Variants in PCNX2 observed in about 807,000 individuals in gnomAD.
PCNX2 encodes the protein pecanex 2, also known as pecanex-like protein 2.
In PCNX2, 168 loss-of-function variants were observed where a neutral mutation model predicts 223.8. The observed-to-expected ratio is 0.75, with a 90% CI of 0.66 to 0.85. The LOEUF (loss-of-function observed/expected upper bound fraction) is 0.85. Among genes scored for constraint, PCNX2 ranks in the 40% least tolerant of loss-of-function variants. The pLI is 0.00. For missense variants in PCNX2, 2,507 were observed against 2,675.5 expected (o/e 0.94, Z 1.39); for synonymous variants, 1,006 against 1,052.6 (o/e 0.96, Z 0.86).
Position 233,218,162 on chromosome 1 carries a change from C to T in PCNX2, c.2527G>A (p.Val843Ile). ...AGGACAATGAGTAAAATCGCCAGTA[C>T]ATTCTCCTTGATGTCTTCAGTTCTG... is the stretch of plus-strand genomic sequence containing the variant. The part of the protein sequence containing the change: ...LDRTEDIKEN[V>I]LAILLIVLVS... Residue 843 changes from valine to isoleucine, a missense_variant, in exon 11 of 34, where the codon GTA (valine) becomes ATA (isoleucine). Physicochemically the swap from Val to Ile is conservative, Grantham distance 29. This residue lies in a region of PCNX2 where 104 missense variants were observed against 144.4 expected (regional missense o/e 0.72). Transcript: ENST00000258229. 1.5e-6 allele frequency: 2 copies of T among 1,299,872 alleles called. No individual in the cohort carries two copies. The highest frequency in any genetic ancestry group is 1.7e-5 in the African/African-American group (1 of 57,260). 80.5% of individuals were successfully genotyped at this position (1,299,872 alleles called of 1,614,324 possible).
intron 8 of PCNX2, among the ~76,000 whole-genome samples, chr1:233,243,491 T>C (rs1056916771): frequency 2.6e-5 from 4 of 152,190 alleles, no homozygotes; most frequent in African/African-American, 7.2e-5. Context: ...GCCAAGGACA[T>C]AATATTAAAG....
intron 23 of PCNX2, among the ~76,000 whole-genome samples, chr1:233,086,512 GA>G (rs1158066750): frequency 4.7e-5 from 7 of 148,280 alleles, no homozygotes; most frequent in African/African-American, 9.9e-5. Flanking sequence ...AAAAAAAAAA[GA>G]AAAAAAAATT....
At chr1:233,091,761 T>TG (rs1673886156) in intron 22 of PCNX2, among the ~76,000 whole-genome samples, 1 of 151,344 alleles carries the variant, frequency 6.6e-6, no homozygotes, top group South Asian at 2.1e-4. Context: ...CATGATTTTT[T>TG]TTTTTTCAAG....
rs1003029941 is a variant in PCNX2 at position 232,991,600 on chromosome 1, T to C, written c.5792-5060A>G. Among the ~76,000 whole-genome samples, 3 of 152,060 alleles carry C rather than the reference T, an allele frequency of 2.0e-5. No homozygotes were observed. The highest frequency in any genetic ancestry group is 7.2e-5 in the African/African-American group (3 of 41,398). On this transcript the variant is annotated intron_variant, in intron 32 of 33. Transcript: ENST00000258229. The surrounding 1 kb of genome is among the most constrained non-coding windows in gnomAD (Gnocchi z 4.3). ...AAGATGAGGTCATACTGGAGTAGGA[T>C]GGGCCCTGAGTCCATGATGACCAGT... is the stretch of plus-strand genomic sequence containing the variant.
chr1:233,096,983 C>G (rs992783586), intron 21 of PCNX2, among the ~76,000 whole-genome samples: 2 of 152,184 alleles, frequency 1.3e-5, no homozygotes, highest in African/African-American at 4.8e-5. Context: ...CTCTCCAAAT[C>G]TCTGCCTCAC....
chr1:232,984,653 C>T (rs565404159), intron 33 of PCNX2, 176 bp from the exon 34 acceptor site: 1 of 611,940 alleles, frequency 1.6e-6, no homozygotes, highest in African/African-American at 1.9e-5. Context: ...CCTCTGAGGA[C>T]AGGACGGGCA....
chr1:233,120,039 C>T (rs768504656), intron 21 of PCNX2, among the ~76,000 whole-genome samples: 13 of 151,170 alleles, frequency 8.6e-5, no homozygotes, highest in South Asian at 8.4e-4. Context: ...TGGTTGCACG[C>T]GCCTGTAGTC....
chr1:233,129,109 C>T (rs949044949), intron 21 of PCNX2, among the ~76,000 whole-genome samples: 20 of 152,252 alleles, frequency 1.3e-4, no homozygotes, highest in Non-Finnish European at 2.5e-4. Flanking sequence ...CTCAGCTTGC[C>T]AGGAGGTGTG....
intron 19 of PCNX2, among the ~76,000 whole-genome samples, chr1:233,151,332 AG>A (rs1677796166): frequency 6.6e-6 from 1 of 152,208 alleles, no homozygotes; most frequent in South Asian, 2.1e-4. Flanking sequence ...GGCTCACCAC[AG>A]TGGCCACACC....
chr1:233,230,573 A>G (rs1386724461), intron 9 of PCNX2, among the ~76,000 whole-genome samples: 1 of 152,230 alleles, frequency 6.6e-6, no homozygotes, highest in Non-Finnish European at 1.5e-5. Flanking sequence ...TCTCCAAGAA[A>G]GCAAATTTTA....
At chr1:233,075,817 T>A (rs1178227955) in intron 23 of PCNX2, among the ~76,000 whole-genome samples, 2 of 152,092 alleles carry the variant, frequency 1.3e-5, no homozygotes, top group African/African-American at 4.8e-5. Flanking sequence ...TTTGTATCTC[T>A]GATTCTAACG....
intron 21 of PCNX2, among the ~76,000 whole-genome samples, chr1:233,133,557 T>A (rs1676631318): frequency 1.3e-5 from 2 of 151,846 alleles, no homozygotes; most frequent in South Asian, 4.2e-4. Flanking sequence ...CCAATTGGAG[T>A]TATAAGAGGA....
rs141165431 is a variant in PCNX2 at position 233,219,836 on chromosome 1, G to C, written c.2505-1652C>G. Among the ~76,000 whole-genome samples the C allele has an allele frequency of 1.6e-3, 238 of 152,144 alleles. 2 individuals carry two copies. The highest frequency in any genetic ancestry group is 3.8e-4 in the Non-Finnish European group (26 of 68,016). On this transcript the variant is annotated intron_variant, in intron 10 of 33. Coordinates refer to ENST00000258229, the MANE Select transcript of PCNX2 (RefSeq NM_014801.4). ...ATAGTTTACATCCGAGTTCACTCTT[G>C]GTGGTGTACATTGGGTTTTGACAAA... is the stretch of plus-strand genomic sequence containing the variant.
At position 233,054,428 on chromosome 1, in the gene PCNX2, G is replaced by A. The variant is rs1188337734; in HGVS notation, c.4191C>T (p.Leu1397=). ...SIFYEHLTRT[L]QESLCGDLVL... Reference sequence around the variant, plus strand: ...CTAAGTCTCCACAGAGGGACTCCTGGAGGGTCCTTGTCAAGTGTTCATAAA... The same window carrying A: ...CTAAGTCTCCACAGAGGGACTCCTGAAGGGTCCTTGTCAAGTGTTCATAAA... Residue 1397 remains leucine (L), a synonymous_variant, in exon 25 of 34, where the codon CTC becomes CTT. Coordinates refer to ENST00000258229, the MANE Select transcript of PCNX2 (RefSeq NM_014801.4). 1 of 1,613,838 alleles carries A rather than the reference G, an allele frequency of 6.2e-7. No individual in the cohort carries two copies.
intron 13 of PCNX2, 117 bp from the exon 14 acceptor site, chr1:233,200,381 A>ATT: frequency 4.7e-6 from 2 of 429,170 alleles, no homozygotes; most frequent in Non-Finnish European, 7.7e-6. Flanking sequence ...ACTGGAGGCA[A>ATT]TCTTTTTTTT....
At chr1:233,292,050 AT>A in intron 1 of PCNX2, 2 of 957,380 alleles carry the variant, frequency 2.1e-6, no homozygotes, top group Non-Finnish European at 2.5e-6. Context: ...ATTAATCACT[AT>A]TTTCCACATT....
chr1:233,276,133 C>G (rs1211621295), intron 1 of PCNX2, among the ~76,000 whole-genome samples: 1 of 152,140 alleles, frequency 6.6e-6, no homozygotes, highest in African/African-American at 2.4e-5. Flanking sequence ...GAATATTATC[C>G]ACTCTTGAAA....
intron 1 of PCNX2, chr1:233,291,126 T>C: frequency 2.0e-6 from 2 of 980,820 alleles, no homozygotes; most frequent in Non-Finnish European, 2.4e-6. Context: ...GGCCAAAGAC[T>C]CGGATGCTAC....
intron 1 of PCNX2, chr1:233,291,887 G>A (rs1228914034): frequency 2.0e-6 from 2 of 984,034 alleles, no homozygotes; most frequent in Non-Finnish European, 2.4e-6. Context: ...AGTGCTCTCA[G>A]AACTTACACA....
Sources: allele counts gnomAD v4.1 joint callset (sites outside exome capture counted in the v4.1 genomes callset), GRCh38; gene constraint gnomAD v4.1.1; regional missense constraint gnomAD v4.1.1; non-coding constraint Gnocchi (gnomAD v3.1); transcripts MANE v1.5; gene names NCBI Gene and HGNC (gene_info 2026-07-23, HGNC 2026-07-21).